TRRAP: variants seen among roughly 807,000 people sequenced by gnomAD.
The protein encoded by TRRAP is transformation/transcription domain-associated protein.
A neutral mutation model predicts 438.8 loss-of-function variants in TRRAP; 41 were observed. The ratio of observed to expected loss-of-function variants is 0.09; its 90% CI spans 0.07 to 0.12. The LOEUF is 0.12. TRRAP is among the 10% of genes least tolerant of loss of function. TRRAP has a pLI of 1.00. For missense variants in TRRAP, 3,122 were observed against 5,055.1 expected (o/e 0.62, Z 11.60); for synonymous variants, 1,994 against 1,962.9 (o/e 1.02, Z -0.42).
At chr7:99,004,095 T>C in intron 67 of TRRAP, 95 bp from the exon 68 acceptor site, 1 of 1,184,144 alleles carries the variant, frequency 8.4e-7, no homozygotes, top group Non-Finnish European at 1.2e-6. Flanking sequence ...ACAAAACATG[T>C]AATTCGTAGC....
At position 99,008,417 on chromosome 7, in the gene TRRAP, G is replaced by A. The variant is rs1321596853; in HGVS notation, c.10794G>A (p.Val3598=). ...VVAVSPQMRL[V]EDNPSSLSLV... is the part of the protein sequence containing the mutation. ...CAGTTTCCCCACAGATGCGCCTCGTGGAGGACAACCCCTCTTCACTTTCCC... is the reference window on the plus strand; with the variant it reads ...CAGTTTCCCCACAGATGCGCCTCGTAGAGGACAACCCCTCTTCACTTTCCC... The change falls in exon 70 of 73, where the codon GTG becomes GTA. Residue 3598 remains valine, a synonymous_variant. Transcript: ENST00000456197. 3 of 1,614,104 alleles carry A rather than the reference G, an allele frequency of 1.9e-6. No homozygotes were observed. The highest frequency in any genetic ancestry group is 2.5e-6 in the Non-Finnish European group (3 of 1,180,054).
At position 98,970,386 on chromosome 7, in the gene TRRAP, C is replaced by A. The variant is rs929489145; in HGVS notation, c.7692+95C>A. 7 of 1,441,698 alleles carry A rather than the reference C, an allele frequency of 4.9e-6. No homozygotes were observed. In the East Asian group the frequency reaches 1.2e-4, roughly 25 times the overall value. 89.3% of individuals were successfully genotyped at this position (1,441,698 alleles called of 1,614,324 possible). ...CCAGAGAGGAGGTGAGACCCCGTGC[C>A]CCACGGGCAGAATCCCAGAGAGGAG... On this transcript the variant is annotated intron_variant, in intron 52 of 72. Transcript: ENST00000456197.
chr7:99,002,221 C>T (rs1028079542), intron 67 of TRRAP, among the ~76,000 whole-genome samples: 1 of 152,200 alleles, frequency 6.6e-6, no homozygotes, highest in Non-Finnish European at 1.5e-5. Context: ...GCTGGTGGCT[C>T]TGCGAGGCCA....
rs527565978 is a variant in TRRAP at position 98,965,187 on chromosome 7, G to C, written c.6976+412G>C. 5.1e-4 allele frequency among the ~76,000 whole-genome samples: 78 copies of C among 152,376 alleles called. 1 individual carries two copies. The highest frequency in any genetic ancestry group is 1.8e-3 in the African/African-American group (74 of 41,598). ...CTGCTTTTAAAGTCTGTGAGTGTAA[G>C]AATGCAGAAATTTTAAAATAGTTGG... On this transcript the variant is annotated intron_variant, in intron 48 of 72. Transcript: ENST00000456197.
intron 41 of TRRAP, among the ~76,000 whole-genome samples, chr7:98,955,554 A>G (rs1791560955): frequency 6.6e-6 from 1 of 152,180 alleles, no homozygotes; most frequent in African/African-American, 2.4e-5. Flanking sequence ...TACTGTGCCC[A>G]GTTAACCCTT....
intron 69 of TRRAP, among the ~76,000 whole-genome samples, chr7:99,006,087 A>C (rs756674313): frequency 1.7e-4 from 26 of 152,178 alleles, no homozygotes; most frequent in Non-Finnish European, 2.8e-4. Flanking sequence ...TGCCAGGGGG[A>C]CACAAATAGC....
chr7:99,010,615 T>C (rs929023384), intron 70 of TRRAP, among the ~76,000 whole-genome samples: 1 of 152,156 alleles, frequency 6.6e-6, no homozygotes, highest in African/African-American at 2.4e-5. Context: ...TCTCGTGTGG[T>C]GTGTGTGGTT....
chr7:98,997,479 G>A (rs1187880678), intron 67 of TRRAP, among the ~76,000 whole-genome samples: 2 of 70,214 alleles, frequency 2.8e-5, no homozygotes, highest in African/African-American at 5.9e-5. Flanking sequence ...AAACACTGCT[G>A]TTGCAAAAAA....
chr7:98,894,454 A>G (rs556253924), intron 6 of TRRAP, among the ~76,000 whole-genome samples: 195 of 152,166 alleles, frequency 1.3e-3, no homozygotes, highest in Non-Finnish European at 2.2e-3. Context: ...GTTATAGATG[A>G]TTTAAGGTAG....
In TRRAP at chr7:98,994,929, G is replaced by T; in HGVS notation, c.10309+81G>T. The T allele has an allele frequency of 1.3e-6, 2 of 1,557,650 alleles. No individual in the cohort carries two copies. The highest frequency in any genetic ancestry group is 2.3e-5 in the East Asian group (1 of 44,390). ...CCGGCTTTAGTGTTGAAGCTGATTG[G>T]ATCCTTGGTTTTCTGATCACTGCAC... On this transcript the variant is annotated intron_variant, in intron 67 of 72. Transcript: ENST00000456197. This position sits in a 1 kb window ranked among gnomAD's most constrained non-coding sequence, Gnocchi z 4.8.
intron 67 of TRRAP, among the ~76,000 whole-genome samples, chr7:98,997,739 AAG>A (rs1384911138): frequency 6.6e-6 from 1 of 152,196 alleles, no homozygotes; most frequent in African/African-American, 2.4e-5. Context: ...AAGGTAAAGA[AAG>A]AGAATGTGGA....
At chr7:98,880,464 A>G (rs1795377779) in intron 1 of TRRAP, among the ~76,000 whole-genome samples, 1 of 151,890 alleles carries the variant, frequency 6.6e-6, no homozygotes, top group South Asian at 2.1e-4. Flanking sequence ...GGGTTTCATC[A>G]TGTTGGCTAC....
At chr7:98,940,461 T>C (rs1554415337) in intron 30 of TRRAP, among the ~76,000 whole-genome samples, 1 of 152,200 alleles carries the variant, frequency 6.6e-6, no homozygotes, top group East Asian at 1.9e-4. Context: ...TGTTTATTTT[T>C]AGTCCCCAGT....
intron 10 of TRRAP, 29 bp from the exon 11 acceptor site, chr7:98,900,595 G>A (rs1554406518): frequency 1.9e-6 from 3 of 1,562,206 alleles, no homozygotes; most frequent in Non-Finnish European, 2.6e-6. Flanking sequence ...ATAATTGAGA[G>A]GTAATATTTT....
intron 33 of TRRAP, among the ~76,000 whole-genome samples, chr7:98,947,287 G>A (rs1172411286): frequency 2.0e-5 from 3 of 152,210 alleles, no homozygotes; most frequent in Non-Finnish European, 4.4e-5. Context: ...ACACATCTTT[G>A]ATTTAATTCA....
At chr7:98,924,886 C>T (rs976250251) in intron 21 of TRRAP, among the ~76,000 whole-genome samples, 1 of 151,438 alleles carries the variant, frequency 6.6e-6, no homozygotes, top group Non-Finnish European at 1.5e-5. Context: ...CACCTGTAGT[C>T]CCAGCTACTT....
At chr7:98,960,593 G>GT (rs930581080) in intron 45 of TRRAP, among the ~76,000 whole-genome samples, 21 of 151,986 alleles carry the variant, frequency 1.4e-4, no homozygotes, top group African/African-American at 5.1e-4. Flanking sequence ...TTTGTTTTTT[G>GT]TTTTTGTTTC....
chr7:98,964,833 CTG>C (rs1366863871), intron 48 of TRRAP, 58 bp downstream of exon 48: 1 of 1,551,624 alleles, frequency 6.4e-7, no homozygotes, highest in African/African-American at 1.4e-5. Flanking sequence ...AGAACAGACT[CTG>C]TTGTGCAGGC....
At position 98,903,616 on chromosome 7, in the gene TRRAP, G is replaced by A. The variant is rs1247467317; in HGVS notation, c.1036+99G>A. 13 of 1,523,636 alleles carry A rather than the reference G, an allele frequency of 8.5e-6. No homozygotes were observed. In the African/African-American group the frequency reaches 1.2e-4, roughly 14 times the overall value. The allele number at this position is 1,523,636 out of a possible 1,614,324, so 94.4% of individuals were successfully genotyped here. A position where few individuals can be genotyped will look rare whatever the true frequency, so the allele number is the denominator to read the frequency against. On this transcript the variant is annotated intron_variant, in intron 12 of 72. Transcript: ENST00000456197. ...CATAGTTGTGCTGTGAGGTTTCCAT[G>A]TATCCTTGCTTCCTTCATTGCTGTC...
Sources: gnomAD v4.1 joint callset for allele counts (sites outside exome capture counted in the v4.1 genomes callset) on GRCh38, gnomAD v4.1.1 for gene constraint, Gnocchi (gnomAD v3.1) non-coding constraint, MANE v1.5 for transcripts, NCBI Gene and HGNC (gene_info 2026-07-23, HGNC 2026-07-21) for gene names.